DPYD: variants seen among roughly 807,000 people sequenced by gnomAD.
The protein encoded by DPYD is dihydropyrimidine dehydrogenase, also known as dihydropyrimidine dehydrogenase [NADP(+)].
DPYD carries 109 observed loss-of-function variants against 116.2 expected under a neutral mutation model. The observed-to-expected ratio is 0.94, with a 90% CI of 0.80 to 1.10. The LOEUF (loss-of-function observed/expected upper bound fraction) is 1.10. DPYD is among the 50% of genes least tolerant of loss of function. The pLI is 0.00. For synonymous variants in DPYD, 440 were observed against 432.0 expected (o/e 1.02, Z -0.23); for missense variants, 1,302 against 1,254.5 (o/e 1.04, Z -0.57).
chr1:97,889,441 T>G (rs1028135811), intron 1 of DPYD, among the ~76,000 whole-genome samples: 1 of 151,926 alleles, frequency 6.6e-6, no homozygotes, highest in African/African-American at 2.4e-5. Flanking sequence ...ATCATGCAAA[T>G]AGCAGCAGCA....
chr1:97,467,376 A>T (rs1018345507), intron 13 of DPYD, among the ~76,000 whole-genome samples: 1 of 152,226 alleles, frequency 6.6e-6, no homozygotes, highest in Non-Finnish European at 1.5e-5. Context: ...ATCAGAAAAC[A>T]TCTGAATCTA....
Position 97,376,295 on chromosome 1 carries a change from G to A in DPYD, c.1975-2651C>T, listed in dbSNP as rs114964338. ...GGCTGGAGTTGTCATAGTGTGTTAC[G>A]AAAAACATAACAGCTCAATATCCTT... On this transcript the variant is annotated intron_variant, in intron 15 of 22. Coordinates refer to ENST00000370192, the MANE Select transcript of DPYD (RefSeq NM_000110.4). 5.2e-3 allele frequency among the ~76,000 whole-genome samples: 792 copies of A among 152,182 alleles called. 10 individuals carry two copies. Among genetic ancestry groups the A allele is most frequent in the African/African-American group, 0.018 (741 of 41,504 alleles).
At chr1:97,317,153 T>C (rs763412730) in intron 16 of DPYD, among the ~76,000 whole-genome samples, 4 of 152,014 alleles carry the variant, frequency 2.6e-5, no homozygotes, top group Non-Finnish European at 5.9e-5. Flanking sequence ...ATGTGTGGGA[T>C]ATTATTTATC....
chr1:97,845,071 T>A (rs1670225159), intron 2 of DPYD, among the ~76,000 whole-genome samples: 1 of 152,256 alleles, frequency 6.6e-6, no homozygotes, highest in Admixed American at 6.5e-5. Flanking sequence ...CTGCAGGCAC[T>A]CTTGGCACAA....
intron 18 of DPYD, among the ~76,000 whole-genome samples, chr1:97,264,348 T>C (rs1319307477): frequency 6.6e-6 from 1 of 151,438 alleles, no homozygotes; most frequent in East Asian, 1.9e-4. Flanking sequence ...TGTTTTATGT[T>C]TTTTGTTTCT....
intron 5 of DPYD, chr1:97,700,067 A>T (rs2100974090): frequency 5.7e-6 from 2 of 351,420 alleles, no homozygotes; most frequent in African/African-American, 4.3e-5. Context: ...TTAAAAAAAT[A>T]GTTGAAACAT....
chr1:97,707,311 A>G (rs1662024984), intron 5 of DPYD, among the ~76,000 whole-genome samples: 1 of 151,918 alleles, frequency 6.6e-6, no homozygotes, highest in South Asian at 2.1e-4. Context: ...TTTTTATTAT[A>G]CTTTAAGTTT....
intron 1 of DPYD, among the ~76,000 whole-genome samples, chr1:97,900,718 GAATAA>G (rs1673326855): frequency 6.6e-6 from 1 of 151,670 alleles, no homozygotes; most frequent in Admixed American, 6.6e-5. Context: ...ATAATGATGT[GAATAA>G]AATATATCCA....
intron 20 of DPYD, among the ~76,000 whole-genome samples, chr1:97,103,712 C>T (rs964650561): frequency 1.3e-5 from 2 of 152,104 alleles, no homozygotes; most frequent in East Asian, 1.9e-4. Context: ...CAGTTTTGCA[C>T]TCATTAGCTG....
chr1:97,703,467 G>T (rs1661722459), intron 5 of DPYD, among the ~76,000 whole-genome samples: 2 of 151,896 alleles, frequency 1.3e-5, no homozygotes, highest in Non-Finnish European at 2.9e-5. Flanking sequence ...AAGTGCTTTA[G>T]GAAACTGCCT....
intron 14 of DPYD, among the ~76,000 whole-genome samples, chr1:97,389,963 A>ATTTCCTTAGGGAAATGTT (rs1672603279): frequency 6.6e-6 from 1 of 151,942 alleles, no homozygotes; most frequent in South Asian, 2.1e-4. Context: ...TGTTTTGACA[A>ATTTCCTTAGGGAAATGTT]TTCCATTTCC....
intron 4 of DPYD, among the ~76,000 whole-genome samples, chr1:97,727,255 C>A (rs186056817): frequency 6.6e-5 from 10 of 151,790 alleles, no homozygotes; most frequent in African/African-American, 1.2e-4. Flanking sequence ...ATCATAGCCA[C>A]ATCATTCTTG....
intron 1 of DPYD, among the ~76,000 whole-genome samples, chr1:97,887,469 T>TAAAAAAAAAA (rs57316508): frequency 0.012 from 571 of 47,126 alleles, 18 homozygotes; most frequent in Non-Finnish European, 0.019. Context: ...GACTCTGCAT[T>TAAAAAAAAAA]AAAAAAAAAA....
chr1:97,736,085 G>T (rs887596339), intron 4 of DPYD, among the ~76,000 whole-genome samples: 9 of 151,882 alleles, frequency 5.9e-5, no homozygotes, highest in African/African-American at 1.2e-4. Context: ...TAATTGCAAA[G>T]AAAAATAAGT....
At chr1:97,213,059 T>G (rs1414151844) in intron 19 of DPYD, among the ~76,000 whole-genome samples, 2 of 152,004 alleles carry the variant, frequency 1.3e-5, no homozygotes, top group Non-Finnish European at 2.9e-5. Flanking sequence ...TTTGCTGTTT[T>G]CAAGTGGCAG....
At chr1:97,201,374 C>T (rs1001113997) in intron 19 of DPYD, among the ~76,000 whole-genome samples, 2 of 152,030 alleles carry the variant, frequency 1.3e-5, no homozygotes, top group Non-Finnish European at 1.5e-5. Flanking sequence ...TAATTACTCA[C>T]GGAATTGAGT....
intron 11 of DPYD, among the ~76,000 whole-genome samples, chr1:97,565,053 T>TA (rs1652419526): frequency 6.6e-6 from 1 of 152,072 alleles, no homozygotes; most frequent in South Asian, 2.1e-4. Flanking sequence ...TGGTCAAACC[T>TA]ATAACTTGAG....
chr1:97,840,953 G>A (rs1670007947), intron 2 of DPYD, among the ~76,000 whole-genome samples: 1 of 152,046 alleles, frequency 6.6e-6, no homozygotes, highest in African/African-American at 2.4e-5. Flanking sequence ...GAAAGTGTAG[G>A]TGTAAGAATT....
chr1:97,410,948 A>G lies in DPYD; in HGVS notation c.1906-28487T>C, dbSNP rs145103341. On this transcript the variant is annotated intron_variant, in intron 14 of 22. Transcript: ENST00000370192. Reference sequence around the variant, plus strand: ...CCTCTCTGATTTGAAGGACCCATAGAGGGCCACTATTGCAAACAGATACTA... The same window carrying G: ...CCTCTCTGATTTGAAGGACCCATAGGGGGCCACTATTGCAAACAGATACTA... Among the ~76,000 whole-genome samples the G allele has an allele frequency of 7.9e-5, 12 of 152,240 alleles. No homozygotes were observed. In the East Asian group the frequency reaches 2.3e-3, roughly 30 times the overall value.
Sources: allele counts gnomAD v4.1 joint callset (sites outside exome capture counted in the v4.1 genomes callset), GRCh38; gene constraint gnomAD v4.1.1; transcripts MANE v1.5; gene names NCBI Gene and HGNC (gene_info 2026-07-23, HGNC 2026-07-21).